Variants in C12orf42 observed in about 807,000 individuals in gnomAD.
C12orf42 encodes the protein uncharacterized protein C12orf42.
C12orf42 carries 25 observed loss-of-function variants against 21.6 expected under a neutral mutation model. The observed-to-expected ratio is 1.16, with a 90% CI of 0.84 to 1.62. The LOEUF (loss-of-function observed/expected upper bound fraction) is 1.62. Among genes scored for constraint, C12orf42 ranks in the 40% most tolerant of loss-of-function variants. The pLI is 0.00. For synonymous variants in C12orf42, 174 were observed against 175.0 expected, an observed-to-expected ratio of 0.99 and a Z score of 0.05; for missense variants, 483 against 459.3, an observed-to-expected ratio of 1.05 and a Z score of -0.47.
chr12:103,160,938 TC>T, the C12orf42 span, among the ~76,000 whole-genome samples: 1 of 152,204 alleles, frequency 6.6e-6, no homozygotes, highest in African/African-American at 2.4e-5. Flanking sequence ...AATTTCAGTT[TC>T]CTCAGCTGCG....
chr12:103,346,063 C>T (rs183353260), intron 4 of C12orf42, among the ~76,000 whole-genome samples: 1 of 152,124 alleles, frequency 6.6e-6, no homozygotes, highest in African/African-American at 2.4e-5. Context: ...GAAATATCTG[C>T]AGCATGCTCT....
chr12:103,498,157 T>C (rs2138272269), upstream of C12orf42, among the ~76,000 whole-genome samples: 1 of 152,184 alleles, frequency 6.6e-6, no homozygotes, highest in Middle Eastern at 3.4e-3. Flanking sequence ...GAGAAAAGCA[T>C]ACATGAGAAT....
At chr12:103,191,185 A>G in the C12orf42 span, among the ~76,000 whole-genome samples, 1 of 152,162 alleles carries the variant, frequency 6.6e-6, no homozygotes, top group Non-Finnish European at 1.5e-5. Flanking sequence ...AAAAATAAAT[A>G]AAGAAAAAAG....
chr12:103,290,137 T>C (rs533895573), intron 4 of C12orf42, among the ~76,000 whole-genome samples: 1 of 152,282 alleles, frequency 6.6e-6, no homozygotes, highest in Admixed American at 6.5e-5. Context: ...CATCCTAAGA[T>C]GTACCACTCT....
At chr12:103,418,939 A>T (rs570665018) in intron 2 of C12orf42, among the ~76,000 whole-genome samples, 2 of 151,820 alleles carry the variant, frequency 1.3e-5, no homozygotes, top group South Asian at 4.2e-4. Flanking sequence ...GTCTCAGCCC[A>T]TCAGGGAAAA....
intron 2 of C12orf42, among the ~76,000 whole-genome samples, chr12:103,441,279 A>G (rs1480300194): frequency 1.3e-5 from 2 of 152,220 alleles, no homozygotes; most frequent in Non-Finnish European, 2.9e-5. Flanking sequence ...CTCATGATTT[A>G]ATGCCACTGG....
the C12orf42 span, among the ~76,000 whole-genome samples, chr12:103,079,428 C>T: frequency 0.18 from 26,911 of 152,030 alleles, 2,731 homozygotes; most frequent in Admixed American, 0.24. Flanking sequence ...TGATAGTTTT[C>T]TAGAATAATG....
chr12:103,191,585 A>G, the C12orf42 span, among the ~76,000 whole-genome samples: 2 of 149,072 alleles, frequency 1.3e-5, no homozygotes, highest in African/African-American at 4.9e-5. Flanking sequence ...TACAAAAGAG[A>G]AAAAAATTAT....
chr12:103,420,729 C>T (rs1387141228), intron 2 of C12orf42, among the ~76,000 whole-genome samples: 1 of 152,154 alleles, frequency 6.6e-6, no homozygotes, highest in Non-Finnish European at 1.5e-5. Context: ...CTATGTTGGC[C>T]AGACTGGTCT....
At chr12:103,414,558 C>G (rs2049139718) in intron 2 of C12orf42, among the ~76,000 whole-genome samples, 2 of 151,996 alleles carry the variant, frequency 1.3e-5, no homozygotes, top group South Asian at 2.1e-4. Flanking sequence ...TGTGTTGCAT[C>G]CGATGTTTTT....
chr12:103,186,038 G>A, the C12orf42 span, among the ~76,000 whole-genome samples: 1 of 152,156 alleles, frequency 6.6e-6, no homozygotes, highest in African/African-American at 2.4e-5. Flanking sequence ...TTGGTCCAGA[G>A]TGGGACCCAT....
intron 3 of C12orf42, among the ~76,000 whole-genome samples, chr12:103,370,583 T>C (rs1182148474): frequency 2.6e-5 from 4 of 152,050 alleles, no homozygotes; most frequent in Non-Finnish European, 5.9e-5. Flanking sequence ...TTTGCACCAA[T>C]ATGGATGAAG....
At chr12:103,144,302 A>T in the C12orf42 span, among the ~76,000 whole-genome samples, 6 of 152,046 alleles carry the variant, frequency 3.9e-5, no homozygotes, top group South Asian at 1.2e-3. Flanking sequence ...GAGGAAAAAG[A>T]GGAGATGAGG....
chr12:103,510,157 A>G, the C12orf42 span, among the ~76,000 whole-genome samples: 1 of 152,214 alleles, frequency 6.6e-6, no homozygotes, highest in South Asian at 2.1e-4. Flanking sequence ...GTATATATAC[A>G]TTGGAATACT....
At chr12:103,102,606 C>A in the C12orf42 span, among the ~76,000 whole-genome samples, 2 of 152,180 alleles carry the variant, frequency 1.3e-5, no homozygotes, top group Non-Finnish European at 2.9e-5. Context: ...CTTCTCACTG[C>A]TAAAAAGCTT....
At chr12:103,511,446 C>T in the C12orf42 span, among the ~76,000 whole-genome samples, 1 of 151,134 alleles carries the variant, frequency 6.6e-6, no homozygotes, top group Non-Finnish European at 1.5e-5. Flanking sequence ...ATATGTATAC[C>T]ATGTGTCTAT....
At chr12:103,057,859 T>C in the C12orf42 span, among the ~76,000 whole-genome samples, 17 of 152,110 alleles carry the variant, frequency 1.1e-4, no homozygotes, top group African/African-American at 4.1e-4. Context: ...ATTGCCAGCA[T>C]CCATTGTTTC....
chr12:103,305,307 T>G, intron 5 of C12orf42, among the ~76,000 whole-genome samples: 1 of 152,310 alleles, frequency 6.6e-6, no homozygotes, highest in African/African-American at 2.4e-5. Context: ...AGTCTGAACA[T>G]CAGCACCATA....
chr12:103,160,657 C>T, the C12orf42 span, among the ~76,000 whole-genome samples: 2 of 152,174 alleles, frequency 1.3e-5, no homozygotes, highest in Admixed American at 6.5e-5. Flanking sequence ...CAGTGCAACA[C>T]CCCAATCCCT....
Sources: gnomAD v4.1 joint callset for allele counts (sites outside exome capture counted in the v4.1 genomes callset) on GRCh38, gnomAD v4.1.1 for gene constraint, MANE v1.5 for transcripts, NCBI Gene and HGNC (gene_info 2026-07-23, HGNC 2026-07-21) for gene names.